Variants in PNMA2 observed in about 807,000 individuals in gnomAD.
The protein encoded by PNMA2 is PNMA family member 2, also known as paraneoplastic antigen Ma2.
For synonymous variants in PNMA2, 175 were observed against 183.5 expected (o/e 0.95, Z 0.38); for missense variants, 455 against 452.9 (o/e 1.00, Z -0.04).
In PNMA2 at chr8:26,508,605, G is replaced by GT; in HGVS notation, c.150dup (p.Leu51ThrfsTer24). ...TGCTTCCGGAATATCTTGCCAAGCA[G>GT]TCTATACCTGCCCAGAGACTTTAAA... On this transcript the variant is annotated frameshift_variant, in exon 3 of 3. Transcript: ENST00000522362. LOFTEE classifies it high-confidence loss of function. The surrounding 1 kb of genome is among the most constrained non-coding windows in gnomAD (Gnocchi z 5.5). The GT allele has an allele frequency of 1.2e-6, 2 of 1,614,170 alleles. No homozygotes were observed. Among genetic ancestry groups the GT allele is most frequent in the Non-Finnish European group, 1.7e-6 (2 of 1,180,036 alleles).
At position 26,508,327 on chromosome 8, in the gene PNMA2, G is replaced by T. The variant is rs1392865926; in HGVS notation, c.429C>A (p.Ala143=). The change falls in exon 3 of 3, where the codon GCC becomes GCA. Residue 143 remains alanine (A), a synonymous_variant. Coordinates refer to ENST00000522362, the MANE Select transcript of PNMA2 (RefSeq NM_007257.6). This position sits in a 1 kb window ranked among gnomAD's most constrained non-coding sequence, Gnocchi z 5.5. ...GTGCCATTGCCTGTCCCAACAAATG[G>T]GCCAGTAATTCTGGTGAGATGCAGG... ...TVPCISPELL[A]HLLGQAMAHA... 4 of 1,612,008 alleles carry T rather than the reference G, an allele frequency of 2.5e-6. No individual in the cohort carries two copies. In the African/African-American group the frequency reaches 5.3e-5, roughly 22 times the overall value.
At position 26,508,386 on chromosome 8, in the gene PNMA2, G is replaced by A. The variant is rs749725931; in HGVS notation, c.370C>T (p.Leu124=). The part of the protein sequence containing the change: ...GQTVSGMFRA[L]GQEGVSPATV... ...GCTGGAGACACGCCCTCCTGCCCCA[G>A]GGCTCGAAACATACCCGAGACCGTC... Residue 124 remains leucine, a synonymous_variant, in exon 3 of 3, where the codon CTG becomes TTG. Coordinates refer to ENST00000522362, the MANE Select transcript of PNMA2 (RefSeq NM_007257.6). The surrounding 1 kb of genome is among the most constrained non-coding windows in gnomAD (Gnocchi z 5.5). 6.2e-7 allele frequency: 1 copy of A among 1,614,208 alleles called. No homozygotes were observed.
intron 1 of PNMA2, among the ~76,000 whole-genome samples, chr8:26,513,414 C>G (rs1267738165): frequency 1.3e-5 from 2 of 151,788 alleles, no homozygotes; most frequent in Non-Finnish European, 2.9e-5. Flanking sequence ...CCCGTCACCC[C>G]AACCACACCA....
At chr8:26,512,546 C>T (rs1808179257) in intron 1 of PNMA2, among the ~76,000 whole-genome samples, 1 of 152,164 alleles carries the variant, frequency 6.6e-6, no homozygotes, top group Admixed American at 6.5e-5. Flanking sequence ...GACAATGGGA[C>T]TGGATCCCTG....
rs569188997 is a variant in PNMA2 at position 26,506,439 on chromosome 8, G to A, written c.*1222C>T. ...GCTCTCAAGCATGCAGTCCCCTCAT[G>A]TCCCCCTTTCTTTGGGGACACCTCT... On this transcript the variant is annotated 3_prime_UTR_variant, in exon 3 of 3. Coordinates refer to ENST00000522362, the MANE Select transcript of PNMA2 (RefSeq NM_007257.6). The surrounding 1 kb of genome is among the most constrained non-coding windows in gnomAD (Gnocchi z 4.4). 5 of 152,296 alleles carry A rather than the reference G, an allele frequency of 3.3e-5. No homozygotes were observed. The highest frequency in any genetic ancestry group is 7.2e-5 in the African/African-American group (3 of 41,532). 9.4% of individuals were successfully genotyped at this position (152,296 alleles called of 1,614,324 possible). A position where few individuals can be genotyped will look rare whatever the true frequency, so the allele number is the denominator to read the frequency against.
At position 26,508,274 on chromosome 8, in the gene PNMA2, C is replaced by T. The variant is rs149926900; in HGVS notation, c.482G>A (p.Arg161Lys). ...AHAPQPLLPM[R>K]YRKLRVFSGS... ...TGAGAATACTCGCAGTTTCCGGTAT[C>T]TCATGGGTAGCAGGGGCTGAGGCGC... is the stretch of plus-strand genomic sequence containing the variant. Residue 161 changes from arginine to lysine, a missense_variant, in exon 3 of 3, where the codon AGA becomes AAA. Physicochemically the swap from Arg to Lys is conservative, Grantham distance 26 (BLOSUM62 2). Transcript: ENST00000522362. The surrounding 1 kb of genome is among the most constrained non-coding windows in gnomAD (Gnocchi z 5.5). 6.3e-5 allele frequency: 101 copies of T among 1,601,682 alleles called. No homozygotes were observed. Among genetic ancestry groups the T allele is most frequent in the Non-Finnish European group, 8.3e-5 (98 of 1,173,762 alleles).
intron 1 of PNMA2, chr8:26,513,000 G>A (rs1808190328): frequency 1.3e-5 from 2 of 152,218 alleles, no homozygotes; most frequent in African/African-American, 4.8e-5. Flanking sequence ...GGTAACCCGG[G>A]AAACGCTGCG....
At position 26,508,269 on chromosome 8, in the gene PNMA2, G is replaced by T. The variant is rs747145459; in HGVS notation, c.487C>A (p.Arg163=). Residue 163 remains arginine (R), a synonymous_variant, in exon 3 of 3, where the codon CGG becomes AGG. Transcript: ENST00000522362. This position sits in a 1 kb window ranked among gnomAD's most constrained non-coding sequence, Gnocchi z 5.5. Reference sequence around the variant, plus strand: ...CTCCCTGAGAATACTCGCAGTTTCCGGTATCTCATGGGTAGCAGGGGCTGA... The same window carrying T: ...CTCCCTGAGAATACTCGCAGTTTCCTGTATCTCATGGGTAGCAGGGGCTGA... ...APQPLLPMRY[R]KLRVFSGSAV... is the part of the protein sequence containing the mutation. 1 of 1,599,894 alleles carries T rather than the reference G, an allele frequency of 6.3e-7. No individual in the cohort carries two copies. Among genetic ancestry groups the T allele is most frequent in the Non-Finnish European group, 8.5e-7 (1 of 1,172,744 alleles).
rs1808047607 is a variant in PNMA2 at position 26,506,586 on chromosome 8, T to G, written c.*1075A>C. ...CTAGCAGAAAGGCAGGAAGAACACT[T>G]CCCAGGTTAAAACAACAACAACAAT... On this transcript the variant is annotated 3_prime_UTR_variant, in exon 3 of 3. Transcript: ENST00000522362. The surrounding 1 kb of genome is among the most constrained non-coding windows in gnomAD (Gnocchi z 4.4). 1 of 152,268 alleles carries G rather than the reference T, an allele frequency of 6.6e-6. No homozygotes were observed. The highest frequency in any genetic ancestry group is 2.4e-5 in the African/African-American group (1 of 41,430). 9.4% of individuals were successfully genotyped at this position (152,268 alleles called of 1,614,324 possible).
chr8:26,511,023 G>A (rs528885627), intron 1 of PNMA2, among the ~76,000 whole-genome samples: 3 of 152,116 alleles, frequency 2.0e-5, no homozygotes, highest in African/African-American at 7.2e-5. Flanking sequence ...GTGGTGGCAC[G>A]TGCCTGTAAT....
intron 1 of PNMA2, among the ~76,000 whole-genome samples, chr8:26,511,158 A>C (rs1019164192): frequency 2.6e-5 from 4 of 151,854 alleles, no homozygotes; most frequent in Non-Finnish European, 5.9e-5. Flanking sequence ...TCTCAAAAAA[A>C]AAAAAAAAAA....
At chr8:26,510,787 A>G (rs1489429546) in intron 1 of PNMA2, among the ~76,000 whole-genome samples, 1 of 152,220 alleles carries the variant, frequency 6.6e-6, no homozygotes, top group Non-Finnish European at 1.5e-5. Context: ...ATTTGAGAAA[A>G]AAGAAAAAAG....
rs186864182 is a variant in PNMA2 at position 26,511,025 on chromosome 8, G to A, written c.-618-1348C>T. On this transcript the variant is annotated intron_variant, in intron 1 of 2. Coordinates refer to ENST00000522362, the MANE Select transcript of PNMA2 (RefSeq NM_007257.6). ...AAATTATCTGGGTGTGGTGGCACGT[G>A]CCTGTAATCCCAGCTACTTGGGAGG... Among the ~76,000 whole-genome samples the A allele has an allele frequency of 2.0e-4, 30 of 152,160 alleles. No individual in the cohort carries two copies. In the East Asian group the frequency reaches 5.8e-3, roughly 29 times the overall value.
intron 1 of PNMA2, chr8:26,513,114 C>CTTTTTT (rs762812937): frequency 7.2e-5 from 9 of 125,072 alleles, no homozygotes; most frequent in African/African-American, 1.8e-4. Flanking sequence ...TTTTTTCTCT[C>CTTTTTT]TTTTTTTTTT....
At chr8:26,512,482 A>G (rs559421584) in intron 1 of PNMA2, among the ~76,000 whole-genome samples, 1 of 152,214 alleles carries the variant, frequency 6.6e-6, no homozygotes, top group African/African-American at 2.4e-5. Flanking sequence ...TCACCAAACT[A>G]TCTCTCACAA....
rs892877612 is a variant in PNMA2 at position 26,504,838 on chromosome 8, C to T, written c.*2823G>A. 3.3e-5 allele frequency: 5 copies of T among 152,712 alleles called. No homozygotes were observed. Among genetic ancestry groups the T allele is most frequent in the African/African-American group, 1.2e-4 (5 of 41,560 alleles). The allele number at this position is 152,712 out of a possible 1,614,324, so 9.5% of individuals were successfully genotyped here. On this transcript the variant is annotated 3_prime_UTR_variant, in exon 3 of 3. Transcript: ENST00000522362. Reference sequence around the variant, plus strand: ...GGGTGTCATGGTAACCACTGCATCACTTTGGTGGAACAGTATTAAAAATAG... The same window carrying T: ...GGGTGTCATGGTAACCACTGCATCATTTTGGTGGAACAGTATTAAAAATAG...
At position 26,507,964 on chromosome 8, in the gene PNMA2, C is replaced by A. The variant is rs771141603; in HGVS notation, c.792G>T (p.Lys264Asn). The A allele has an allele frequency of 6.2e-7, 1 of 1,614,152 alleles. No homozygotes were observed. The highest frequency in any genetic ancestry group is 1.1e-5 in the South Asian group (1 of 91,084). ...YLKTYQEEGE[K>N]VSAYVLRLET... Reference sequence around the variant, plus strand: ...CTAGCCGTAACACATAGGCTGAGACCTTCTCTCCTTCCTCCTGATAGGTCT... The same window carrying A: ...CTAGCCGTAACACATAGGCTGAGACATTCTCTCCTTCCTCCTGATAGGTCT... Residue 264 changes from lysine to asparagine, a missense_variant, in exon 3 of 3, where the codon AAG becomes AAT. Coordinates refer to ENST00000522362, the MANE Select transcript of PNMA2 (RefSeq NM_007257.6).
At position 26,508,862 on chromosome 8, in the gene PNMA2, G is replaced by C; in HGVS notation, c.-107C>G. 1.3e-6 allele frequency: 2 copies of C among 1,513,678 alleles called. No homozygotes were observed. The highest frequency in any genetic ancestry group is 1.8e-6 in the Non-Finnish European group (2 of 1,133,826). 93.8% of individuals were successfully genotyped at this position (1,513,678 alleles called of 1,614,324 possible). ...TATCCTGGATGAGCTTCTAACCTTA[G>C]AACCCACCAATGAATGGGTCCCAGA... On this transcript the variant is annotated 5_prime_UTR_variant, in exon 3 of 3. Coordinates refer to ENST00000522362, the MANE Select transcript of PNMA2 (RefSeq NM_007257.6). The surrounding 1 kb of genome is among the most constrained non-coding windows in gnomAD (Gnocchi z 5.5).
Position 26,508,480 on chromosome 8 carries a change from G to A in PNMA2, c.276C>T (p.Ile92=). ...VQGKGGVWKV[I]FKTPNQDTEF... ...CAGTGTCCTGATTAGGGGTCTTAAA[G>A]ATCACCTTCCAGACACCCCCCTTTC... The change falls in exon 3 of 3, where the codon ATC becomes ATT. Residue 92 remains isoleucine (I), a synonymous_variant. Coordinates refer to ENST00000522362, the MANE Select transcript of PNMA2 (RefSeq NM_007257.6). This position sits in a 1 kb window ranked among gnomAD's most constrained non-coding sequence, Gnocchi z 5.5. 1 of 1,614,208 alleles carries A rather than the reference G, an allele frequency of 6.2e-7. No individual in the cohort carries two copies. Among genetic ancestry groups the A allele is most frequent in the South Asian group, 1.1e-5 (1 of 91,076 alleles).
Sources: allele counts gnomAD v4.1 joint callset (sites outside exome capture counted in the v4.1 genomes callset), GRCh38; gene constraint gnomAD v4.1.1; non-coding constraint Gnocchi (gnomAD v3.1); transcripts MANE v1.5; gene names NCBI Gene and HGNC (gene_info 2026-07-23, HGNC 2026-07-21).